The following TJP1 variants were observed in gnomAD, a reference collection of about 807,000 sequenced individuals.
The protein encoded by TJP1 is tight junction protein 1.
Under a neutral mutation model 194.2 loss-of-function variants are expected in TJP1, and 43 were observed. That is an observed-to-expected ratio of 0.22 (90% CI 0.17 to 0.29). TJP1 has a LOEUF of 0.29. TJP1 is among the 10% of genes least tolerant of loss of function. The pLI, the probability that TJP1 is intolerant of heterozygous loss-of-function variation, is 1.00. For synonymous variants in TJP1, 801 were observed against 779.0 expected (o/e 1.03, Z -0.47); for missense variants, 1,971 against 2,185.7 (o/e 0.90, Z 1.96).
chr15:29,774,100 T>A (rs72719067), intron 2 of TJP1, among the ~76,000 whole-genome samples: 12,207 of 152,124 alleles, frequency 0.08, 528 homozygotes, highest in African/African-American at 0.087. Flanking sequence ...TTAAGAGTAG[T>A]TTAAAGAGAC....
chr15:29,762,529 CAT>C (rs1263199947), intron 5 of TJP1, 91 bp from the exon 6 acceptor site: 6 of 846,406 alleles, frequency 7.1e-6, no homozygotes, highest in Non-Finnish European at 1.1e-5. Context: ...TTAACTACTG[CAT>C]AGAGTTTTCA....
chr15:29,883,343 A>AGGGAAATG (rs1249190210), intron 2 of TJP1, among the ~76,000 whole-genome samples: 1 of 152,222 alleles, frequency 6.6e-6, no homozygotes, highest in Non-Finnish European at 1.5e-5. Flanking sequence ...GGTGAAATGC[A>AGGGAAATG]CAGGGAATGC....
chr15:29,843,186 C>CTTTTTTTTTTTTTTTTTTTTTTTT (rs544307311), intron 2 of TJP1, among the ~76,000 whole-genome samples: 1 of 69,430 alleles, frequency 1.4e-5, no homozygotes, highest in African/African-American at 5.2e-5. Context: ...TTTTTCTTTT[C>CTTTTTTTTTTTTTTTTTTTTTTTT]TTTTTTTTTT....
chr15:29,852,337 G>A (rs147482562), intron 2 of TJP1, among the ~76,000 whole-genome samples: 3 of 152,258 alleles, frequency 2.0e-5, no homozygotes, highest in Non-Finnish European at 4.4e-5. Context: ...AGGATATTCC[G>A]ATGGCTAATG....
At chr15:29,724,184 A>G (rs2043102614) in intron 18 of TJP1, among the ~76,000 whole-genome samples, 1 of 152,192 alleles carries the variant, frequency 6.6e-6, no homozygotes, top group Admixed American at 6.5e-5. Flanking sequence ...GACCTTGAGC[A>G]CTGCCTTCCT....
At chr15:29,797,067 GT>G (rs1801082435) in intron 2 of TJP1, among the ~76,000 whole-genome samples, 1 of 152,146 alleles carries the variant, frequency 6.6e-6, no homozygotes, top group African/African-American at 2.4e-5. Flanking sequence ...TTGATTTTGG[GT>G]TTGGCAAAGA....
At chr15:29,842,614 C>T (rs1404246251) in intron 2 of TJP1, among the ~76,000 whole-genome samples, 1 of 152,134 alleles carries the variant, frequency 6.6e-6, no homozygotes, top group Non-Finnish European at 1.5e-5. Flanking sequence ...ACAGTGGCCC[C>T]GCGCCAGGAA....
intron 2 of TJP1, among the ~76,000 whole-genome samples, chr15:29,862,089 T>C (rs2052102563): frequency 6.6e-6 from 1 of 152,204 alleles, no homozygotes; most frequent in Non-Finnish European, 1.5e-5. Context: ...GCATCATCTA[T>C]TGAATTCTTT....
Position 29,897,228 on chromosome 15 carries a change from G to A in TJP1, c.306+59004C>T, listed in dbSNP as rs148117350. ...GGACTTAGTGCCCTGCATCCCAGTCGTGACTAAAAGGGCCTAAGGTACGGT... is the reference window on the plus strand; with the variant it reads ...GGACTTAGTGCCCTGCATCCCAGTCATGACTAAAAGGGCCTAAGGTACGGT... On this transcript the variant is annotated intron_variant, in intron 2 of 28. Transcript: ENST00000356107. Among the ~76,000 whole-genome samples, 476 of 152,258 alleles carry A rather than the reference G, an allele frequency of 3.1e-3. 1 individual carries two copies. Among genetic ancestry groups the A allele is most frequent in the African/African-American group, 9.3e-3 (388 of 41,560 alleles).
Position 29,737,320 on chromosome 15 carries a change from G to A in TJP1, c.1351C>T (p.Leu451=), listed in dbSNP as rs760703305. 6 of 1,614,152 alleles carry A rather than the reference G, an allele frequency of 3.7e-6. No homozygotes were observed. Among genetic ancestry groups the A allele is most frequent in the Non-Finnish European group, 5.1e-6 (6 of 1,180,024 alleles). ...TCCTTGGCTGCAGGGCTATCTTCTA[G>A]AACGCCAGCTACAAATATTCCAACA... is the stretch of plus-strand genomic sequence containing the variant. ...NDVGIFVAGV[L]EDSPAAKEGL... The change falls in exon 11 of 28, where the codon CTA becomes TTA. Residue 451 remains leucine (L), a synonymous_variant. Transcript: ENST00000614355.
chr15:29,867,978 C>A (rs1032597041), intron 2 of TJP1, among the ~76,000 whole-genome samples: 3 of 150,310 alleles, frequency 2.0e-5, no homozygotes, highest in African/African-American at 7.4e-5. Context: ...ATGGCTTGAG[C>A]TCAGGAGGCA....
chr15:29,755,748 T>A (rs1246765042), intron 8 of TJP1, among the ~76,000 whole-genome samples: 1 of 152,150 alleles, frequency 6.6e-6, no homozygotes, highest in Non-Finnish European at 1.5e-5. Flanking sequence ...AGAAAACAGT[T>A]TAGGCCTTAG....
chr15:29,959,290 T>C (rs2056070619), intron 1 of TJP1, among the ~76,000 whole-genome samples: 1 of 152,006 alleles, frequency 6.6e-6, no homozygotes, highest in Non-Finnish European at 1.5e-5. Flanking sequence ...ACGCCTGGCC[T>C]GTATCTAGTA....
intron 1 of TJP1, among the ~76,000 whole-genome samples, chr15:29,966,052 CT>C (rs1456768422): frequency 1.3e-5 from 2 of 152,150 alleles, no homozygotes; most frequent in Non-Finnish European, 2.9e-5. Context: ...ATTTTATTTC[CT>C]TGTGTCCTCT....
At chr15:29,925,379 G>C (rs2054491913) in intron 2 of TJP1, among the ~76,000 whole-genome samples, 1 of 152,220 alleles carries the variant, frequency 6.6e-6, no homozygotes, top group African/African-American at 2.4e-5. Context: ...TGAGGACAGA[G>C]GGCATCAGGA....
At chr15:29,843,197 T>C (rs1024689657) in intron 2 of TJP1, among the ~76,000 whole-genome samples, 2 of 109,464 alleles carry the variant, frequency 1.8e-5, no homozygotes, top group East Asian at 2.7e-4. Flanking sequence ...TTTTTTTTTT[T>C]CTTTTTTTGA....
Position 29,762,181 on chromosome 15 carries a change from A to G in TJP1, c.693+154T>C, listed in dbSNP as rs538917281. 1.1e-4 allele frequency among the ~76,000 whole-genome samples: 17 copies of G among 152,334 alleles called. No homozygotes were observed. The East Asian group carries it at 3.3e-3, about 29-fold the overall frequency. Reference sequence around the variant, plus strand: ...ACCTAAAGCATTGGTGTCGACATGTAATAATGCATAAAGGGAATTTATATC... The same window carrying G: ...ACCTAAAGCATTGGTGTCGACATGTGATAATGCATAAAGGGAATTTATATC... On this transcript the variant is annotated intron_variant, in intron 6 of 27. Transcript: ENST00000614355.
intron 1 of TJP1, among the ~76,000 whole-genome samples, chr15:29,801,386 G>A (rs2048769480): frequency 6.6e-6 from 1 of 151,986 alleles, no homozygotes. Context: ...CTCCAATACA[G>A]GTCCTGCCCA....
intron 2 of TJP1, among the ~76,000 whole-genome samples, chr15:29,831,808 T>C (rs1409194352): frequency 6.6e-6 from 1 of 152,164 alleles, no homozygotes; most frequent in Non-Finnish European, 1.5e-5. Flanking sequence ...ATGTTTGGGA[T>C]TTGCTTTTAA....
Sources: gnomAD v4.1 joint callset for allele counts (sites outside exome capture counted in the v4.1 genomes callset) on GRCh38, gnomAD v4.1.1 for gene constraint, MANE v1.5 for transcripts, NCBI Gene and HGNC (gene_info 2026-07-23, HGNC 2026-07-21) for gene names.